Variants in RBFOX1 observed in about 807,000 individuals in gnomAD.
RBFOX1 encodes the protein RNA binding fox-1 homolog 1, also known as RNA binding protein fox-1 homolog 1.
A neutral mutation model predicts 57.7 loss-of-function variants in RBFOX1; 8 were observed. That is an observed-to-expected ratio of 0.14 (90% CI 0.08 to 0.25). The LOEUF is 0.25. RBFOX1 is among the 10% of genes least tolerant of loss of function. The pLI is 1.00. For missense variants in RBFOX1, 611 were observed against 548.5 expected (o/e 1.11, Z -1.14); for synonymous variants, 326 against 222.4 (o/e 1.47, Z -4.15).
intron 1 of RBFOX1, among the ~76,000 whole-genome samples, chr16:6,044,488 T>TAAAAAAA (rs35188189): frequency 2.8e-5 from 4 of 143,082 alleles, no homozygotes; most frequent in African/African-American, 1.0e-4. Flanking sequence ...TGTTTTAGGT[T>TAAAAAAA]AAAAAAAAAA....
At chr16:6,526,218 G>T (rs556602838) in intron 2 of RBFOX1, among the ~76,000 whole-genome samples, 3 of 152,146 alleles carry the variant, frequency 2.0e-5, no homozygotes, top group Non-Finnish European at 4.4e-5. Flanking sequence ...TAAAAAAGAG[G>T]GGGCTCACCC....
intron 2 of RBFOX1, among the ~76,000 whole-genome samples, chr16:5,556,505 A>T (rs2045682732): frequency 6.6e-6 from 1 of 152,248 alleles, no homozygotes; most frequent in South Asian, 2.1e-4. Context: ...TAAAACTTAA[A>T]GAAATGCTCA....
At chr16:5,901,720 C>T (rs142519190) in intron 4 of RBFOX1, among the ~76,000 whole-genome samples, 3 of 152,298 alleles carry the variant, frequency 2.0e-5, no homozygotes, top group Non-Finnish European at 2.9e-5. Flanking sequence ...GGTTATAGGA[C>T]GTTTTCATCA....
At chr16:6,899,980 C>G (rs532511812) in intron 3 of RBFOX1, among the ~76,000 whole-genome samples, 1 of 152,134 alleles carries the variant, frequency 6.6e-6, no homozygotes, top group Admixed American at 6.6e-5. Flanking sequence ...GTTAATTTGC[C>G]TTTCTGTGCT....
chr16:7,329,294 C>A (rs749351800), intron 4 of RBFOX1, among the ~76,000 whole-genome samples: 2 of 152,224 alleles, frequency 1.3e-5, no homozygotes, highest in African/African-American at 2.4e-5. Flanking sequence ...AACTGCCCCA[C>A]TCTCCTTTCA....
chr16:7,100,087 A>T (rs1239398413), intron 4 of RBFOX1, among the ~76,000 whole-genome samples: 1 of 151,776 alleles, frequency 6.6e-6, no homozygotes, highest in Non-Finnish European at 1.5e-5. Context: ...TTCAAATTTT[A>T]TTTTTGATTT....
intron 4 of RBFOX1, among the ~76,000 whole-genome samples, chr16:7,484,001 G>T (rs565850167): frequency 6.6e-6 from 1 of 151,952 alleles, no homozygotes; most frequent in African/African-American, 2.4e-5. Context: ...AGTCTATTCT[G>T]CCCCCCCATT....
chr16:6,475,643 T>G (rs1327915583), intron 2 of RBFOX1, among the ~76,000 whole-genome samples: 1 of 152,248 alleles, frequency 6.6e-6, no homozygotes, highest in Non-Finnish European at 1.5e-5. Context: ...CCTTTCTTAA[T>G]GTAACTGGAT....
intron 2 of RBFOX1, among the ~76,000 whole-genome samples, chr16:6,478,206 G>C (rs1412651515): frequency 6.8e-6 from 1 of 146,740 alleles, no homozygotes; most frequent in East Asian, 2.0e-4. Flanking sequence ...CAGGAGCCTA[G>C]CTTTTAGCCT....
intron 3 of RBFOX1, among the ~76,000 whole-genome samples, chr16:6,939,401 G>A (rs540961846): frequency 1.8e-3 from 267 of 150,648 alleles, no homozygotes; most frequent in Middle Eastern, 6.9e-3. Context: ...GTGTGTGTGT[G>A]TATATATATA....
At position 6,899,591 on chromosome 16, in the gene RBFOX1, C is replaced by A. The variant is rs908859897; in HGVS notation, c.-15-152466C>A. 1.1e-4 allele frequency among the ~76,000 whole-genome samples: 16 copies of A among 152,196 alleles called. 1 individual carries two copies. Among genetic ancestry groups the A allele is most frequent in the African/African-American group, 3.9e-4 (16 of 41,444 alleles). On this transcript the variant is annotated intron_variant, in intron 3 of 15. Transcript: ENST00000550418. Reference sequence around the variant, plus strand: ...CTCACCATCTGTGAGATTTTGAGCACAGCTCCAGAATGCTGTCAGCCTTAG... The same window carrying A: ...CTCACCATCTGTGAGATTTTGAGCAAAGCTCCAGAATGCTGTCAGCCTTAG...
chr16:6,708,261 G>T (rs2063112645), intron 3 of RBFOX1, among the ~76,000 whole-genome samples: 2 of 148,976 alleles, frequency 1.3e-5, no homozygotes, highest in Admixed American at 1.4e-4. Context: ...CATTGTGTGG[G>T]CTAGGATAGT....
intron 14 of RBFOX1, among the ~76,000 whole-genome samples, chr16:7,687,064 G>A (rs895013158): frequency 7.9e-5 from 12 of 152,172 alleles, no homozygotes; most frequent in African/African-American, 2.2e-4. Context: ...ATTTTCATGT[G>A]TTCCCCCTTT....
intron 3 of RBFOX1, among the ~76,000 whole-genome samples, chr16:7,015,121 G>C (rs7198901): frequency 0.015 from 2,340 of 152,270 alleles, 65 homozygotes; most frequent in African/African-American, 0.053. Context: ...ACAGAGTTAA[G>C]GGTCAGTTCA....
chr16:6,541,772 A>G (rs1019578472), intron 2 of RBFOX1, among the ~76,000 whole-genome samples: 3 of 152,172 alleles, frequency 2.0e-5, no homozygotes, highest in Admixed American at 6.5e-5. Context: ...GATACTGGAC[A>G]TAAATATGAG....
intron 4 of RBFOX1, among the ~76,000 whole-genome samples, chr16:7,083,234 G>C (rs1567193868): frequency 6.6e-6 from 1 of 152,042 alleles, no homozygotes; most frequent in Non-Finnish European, 1.5e-5. Flanking sequence ...CTGGACTCCA[G>C]AGTACAGGGA....
chr16:6,231,197 GGTGTGT>G (rs1333951748), intron 1 of RBFOX1, among the ~76,000 whole-genome samples: 1 of 145,796 alleles, frequency 6.9e-6, no homozygotes, highest in Non-Finnish European at 1.5e-5. Flanking sequence ...GAGATAGAGG[GGTGTGT>G]GTGTGTATGT....
At chr16:5,530,826 G>T (rs1447421162) in intron 2 of RBFOX1, among the ~76,000 whole-genome samples, 1 of 151,372 alleles carries the variant, frequency 6.6e-6, no homozygotes, top group South Asian at 2.1e-4. Context: ...GGTGGCTCAC[G>T]CCTGTAATCC....
At chr16:6,079,975 C>G (rs943884414) in intron 1 of RBFOX1, among the ~76,000 whole-genome samples, 2 of 152,180 alleles carry the variant, frequency 1.3e-5, no homozygotes, top group Non-Finnish European at 1.5e-5. Flanking sequence ...GATTCTTAAA[C>G]CATTTGTGAT....
Sources: gnomAD v4.1 joint callset for allele counts (sites outside exome capture counted in the v4.1 genomes callset) on GRCh38, gnomAD v4.1.1 for gene constraint, MANE v1.5 for transcripts, NCBI Gene and HGNC (gene_info 2026-07-23, HGNC 2026-07-21) for gene names.